IRAK3: variants seen among roughly 807,000 people sequenced by gnomAD.
IRAK3 encodes the protein interleukin 1 receptor associated kinase 3.
Under a neutral mutation model 56.6 loss-of-function variants are expected in IRAK3, and 57 were observed. The observed-to-expected ratio is 1.01, with a 90% confidence interval of 0.81 to 1.26. The LOEUF is 1.26. IRAK3 is among the 50% of genes most tolerant of loss of function. The pLI is 0.00. For synonymous variants in IRAK3, 258 were observed against 255.7 expected (o/e 1.01, Z -0.09); for missense variants, 703 against 719.0 (o/e 0.98, Z 0.25).
At chr12:66,195,950 C>A (rs2052448052) in intron 1 of IRAK3, among the ~76,000 whole-genome samples, 1 of 151,482 alleles carries the variant, frequency 6.6e-6, no homozygotes, top group Non-Finnish European at 1.5e-5. Flanking sequence ...AGCCACCACA[C>A]CTGGCCATGG....
At chr12:66,224,983 C>T (rs2052770857) in intron 6 of IRAK3, among the ~76,000 whole-genome samples, 1 of 152,160 alleles carries the variant, frequency 6.6e-6, no homozygotes, top group African/African-American at 2.4e-5. Flanking sequence ...TCCATAGGTA[C>T]AACACCAGCA....
At chr12:66,214,496 A>G (rs1160607902) in intron 5 of IRAK3, among the ~76,000 whole-genome samples, 1 of 152,096 alleles carries the variant, frequency 6.6e-6, no homozygotes, top group African/African-American at 2.4e-5. Context: ...AGCCAAGATC[A>G]CGCCACTGCA....
chr12:66,203,012 G>A (rs910877182), intron 1 of IRAK3, among the ~76,000 whole-genome samples: 5 of 152,092 alleles, frequency 3.3e-5, no homozygotes, highest in Middle Eastern at 3.4e-3. Context: ...AGGGACAGCT[G>A]TTTCTTACCA....
chr12:66,196,562 A>T (rs2052455126), intron 1 of IRAK3, among the ~76,000 whole-genome samples: 1 of 152,196 alleles, frequency 6.6e-6, no homozygotes, highest in African/African-American at 2.4e-5. Flanking sequence ...GTCTAGGATT[A>T]AGAGAGCAGG....
chr12:66,229,220 C>T (rs1013507113), intron 8 of IRAK3, among the ~76,000 whole-genome samples: 3 of 152,092 alleles, frequency 2.0e-5, no homozygotes, highest in African/African-American at 4.8e-5. Context: ...TGAGCAGCAA[C>T]CCCAATGTTC....
rs572051673 is a variant in IRAK3 at position 66,203,414 on chromosome 12, T to C, written c.134-297T>C. 2.6e-5 allele frequency among the ~76,000 whole-genome samples: 4 copies of C among 152,260 alleles called. No individual in the cohort carries two copies. The South Asian group carries it at 8.3e-4, about 32-fold the overall frequency. ...ATTAAGGAGAAGGAACAATTAAATA[T>C]AATATGGAAAACTGGATAGGATCTT... is the stretch of plus-strand genomic sequence containing the variant. On this transcript the variant is annotated intron_variant, in intron 1 of 11. Transcript: ENST00000261233.
chr12:66,196,817 A>C (rs2052457905), intron 1 of IRAK3: 1 of 1,421,484 alleles, frequency 7.0e-7, no homozygotes. Context: ...TCTTTTAAAA[A>C]ATTGTCTAAT....
chr12:66,197,094 G>T, intron 1 of IRAK3: 1 of 1,327,446 alleles, frequency 7.5e-7, no homozygotes, highest in Non-Finnish European at 9.6e-7. Context: ...TTGAGCATCT[G>T]ATTTCTGAAC....
At chr12:66,226,308 C>A (rs1195238619) in intron 6 of IRAK3, among the ~76,000 whole-genome samples, 2 of 151,004 alleles carry the variant, frequency 1.3e-5, no homozygotes, top group Non-Finnish European at 2.9e-5. Flanking sequence ...GTGGTGTGAT[C>A]TTGGCTCACG....
chr12:66,231,379 C>T (rs554057244), intron 8 of IRAK3, among the ~76,000 whole-genome samples: 1 of 152,112 alleles, frequency 6.6e-6, no homozygotes. Flanking sequence ...TATTAAATAT[C>T]TTGACAATCC....
chr12:66,217,997 A>T (rs889401932), intron 6 of IRAK3, among the ~76,000 whole-genome samples: 4 of 152,182 alleles, frequency 2.6e-5, no homozygotes, highest in African/African-American at 9.7e-5. Context: ...AATAGTAAAA[A>T]GTTTTTACAT....
chr12:66,235,009 C>A (rs552930925), intron 8 of IRAK3: 55 of 1,613,704 alleles, frequency 3.4e-5, no homozygotes, highest in Non-Finnish European at 4.5e-5. Flanking sequence ...TTGTCTTATG[C>A]AAAATTGCGT....
At chr12:66,221,762 G>A (rs1453662318) in intron 6 of IRAK3, among the ~76,000 whole-genome samples, 1 of 152,194 alleles carries the variant, frequency 6.6e-6, no homozygotes, top group Non-Finnish European at 1.5e-5. Flanking sequence ...GGGCACAGGG[G>A]CACATGCCTG....
In IRAK3 at chr12:66,245,161, A is replaced by G; in HGVS notation, c.1213A>G (p.Lys405Glu). Residue 405 changes from lysine (K) to glutamate (E), a missense_variant, in exon 11 of 12, where the codon AAG becomes GAG. Coordinates refer to ENST00000261233, the MANE Select transcript of IRAK3 (RefSeq NM_007199.3). ...GGATTCATGTCTCTCATTTCTAGAT[A>G]AGAAAGTGCCTCCCTGCCCTCGGAA... ...GLDSCLSFLD[K>E]KVPPCPRNFS... 1 of 1,614,154 alleles carries G rather than the reference A, an allele frequency of 6.2e-7. No homozygotes were observed. Among genetic ancestry groups the G allele is most frequent in the South Asian group, 1.1e-5 (1 of 91,070 alleles).
intron 1 of IRAK3, among the ~76,000 whole-genome samples, chr12:66,199,714 A>C (rs772585731): frequency 3.9e-5 from 6 of 152,238 alleles, no homozygotes; most frequent in Non-Finnish European, 5.9e-5. Context: ...CAAATGTTTG[A>C]ACTACACTGA....
At chr12:66,243,605 A>G (rs2052995253) in intron 8 of IRAK3, among the ~76,000 whole-genome samples, 1 of 152,132 alleles carries the variant, frequency 6.6e-6, no homozygotes. Flanking sequence ...TTTTTTGAGC[A>G]TTACCAAGTG....
chr12:66,210,225 C>T lies in IRAK3; in HGVS notation c.436+24C>T, dbSNP rs764608388. ...AGGTATGAAAAAACCAGTTTTTTTC[C>T]AACAATTTTTTTAAAATCATACTTT... On this transcript the variant is annotated intron_variant, in intron 4 of 11. Coordinates refer to ENST00000261233, the MANE Select transcript of IRAK3 (RefSeq NM_007199.3). 2.8e-6 allele frequency: 4 copies of T among 1,452,736 alleles called. No individual in the cohort carries two copies. The South Asian group carries it at 4.6e-5, about 17-fold the overall frequency. The allele number at this position is 1,452,736 out of a possible 1,614,324, so 90.0% of individuals were successfully genotyped here.
intron 4 of IRAK3, among the ~76,000 whole-genome samples, chr12:66,210,845 A>C (rs1194502715): frequency 6.6e-6 from 1 of 152,198 alleles, no homozygotes; most frequent in Non-Finnish European, 1.5e-5. Flanking sequence ...TGTATTAGCT[A>C]TGGAAATATA....
At chr12:66,226,938 A>G in intron 7 of IRAK3, 101 bp downstream of exon 7, 1 of 758,662 alleles carries the variant, frequency 1.3e-6, no homozygotes, top group Admixed American at 1.9e-5. Flanking sequence ...ATGTGTTTGC[A>G]TGAGGGGAAA....
Sources: gnomAD v4.1 joint callset for allele counts (sites outside exome capture counted in the v4.1 genomes callset) on GRCh38, gnomAD v4.1.1 for gene constraint, MANE v1.5 for transcripts, NCBI Gene and HGNC (gene_info 2026-07-23, HGNC 2026-07-21) for gene names.